Variants in NXPE3 observed in about 807,000 individuals in gnomAD.
NXPE3 encodes NXPE family member 3.
NXPE3 carries 26 observed loss-of-function variants against 46.1 expected under a neutral mutation model. The ratio of observed to expected loss-of-function variants is 0.56; its 90% CI spans 0.41 to 0.78. The LOEUF is 0.78. NXPE3 is among the 30% of genes least tolerant of loss of function. The pLI is 0.00. For synonymous variants in NXPE3, 272 were observed against 257.9 expected (o/e 1.05, Z -0.52); for missense variants, 620 against 686.0 (o/e 0.90, Z 1.07).
chr3:101,807,211 C>T, intron 6 of NXPE3, 85 bp downstream of exon 6: 4 of 923,296 alleles, frequency 4.3e-6, no homozygotes, highest in Non-Finnish European at 7.0e-6. Flanking sequence ...GTTGCAAAAA[C>T]TTATATGCCA....
At chr3:101,814,799 AAAAG>A (rs768971273) in intron 6 of NXPE3, among the ~76,000 whole-genome samples, 7 of 152,212 alleles carry the variant, frequency 4.6e-5, no homozygotes, top group Non-Finnish European at 1.0e-4. Context: ...AAGAAAAAAA[AAAAG>A]AAATGGTTAA....
At chr3:101,809,627 T>A (rs900059782) in intron 6 of NXPE3, among the ~76,000 whole-genome samples, 1 of 152,220 alleles carries the variant, frequency 6.6e-6, no homozygotes, top group African/African-American at 2.4e-5. Context: ...CCCTTCTTCA[T>A]TTTAAGTATT....
chr3:101,801,846 G>A lies in NXPE3; in HGVS notation c.705G>A (p.Leu235=), dbSNP rs1277877087. ...TGTGTCTTCCTGGGAATCTGCCCCTGTGTAACTTTACAGACCTCTACACTG... is the reference window on the plus strand; with the variant it reads ...TGTGTCTTCCTGGGAATCTGCCCCTATGTAACTTTACAGACCTCTACACTG... ...CNVCLPGNLP[L]CNFTDLYTGE... Residue 235 remains leucine (L), a synonymous_variant, in exon 5 of 8, where the codon CTG becomes CTA. Transcript: ENST00000273347. 2.5e-6 allele frequency: 4 copies of A among 1,614,066 alleles called. No homozygotes were observed. The highest frequency in any genetic ancestry group is 1.3e-5 in the African/African-American group (1 of 75,006).
intron 6 of NXPE3, among the ~76,000 whole-genome samples, chr3:101,809,718 T>C (rs1243788062): frequency 6.6e-6 from 1 of 152,226 alleles, no homozygotes; most frequent in Non-Finnish European, 1.5e-5. Context: ...TCAATCATTA[T>C]TTTATTTGCT....
At chr3:101,798,292 T>C (rs928439651) in intron 4 of NXPE3, among the ~76,000 whole-genome samples, 1 of 152,186 alleles carries the variant, frequency 6.6e-6, no homozygotes, top group African/African-American at 2.4e-5. Flanking sequence ...AATTTGAACA[T>C]TGAATTTAAA....
intron 7 of NXPE3, among the ~76,000 whole-genome samples, chr3:101,817,299 CTGGACCATGTCACTTCACAG>C: frequency 6.6e-6 from 1 of 152,326 alleles, no homozygotes; most frequent in African/African-American, 2.4e-5. Context: ...GATGAGACAG[CTGGACCATGTCACTTCACAG>C]GTGTCTTTCC....
intron 6 of NXPE3, among the ~76,000 whole-genome samples, chr3:101,815,725 G>C (rs576765886): frequency 6.8e-4 from 103 of 152,006 alleles, no homozygotes; most frequent in African/African-American, 2.3e-3. Flanking sequence ...TTGGCCAGGC[G>C]TGGTGGCTCA....
chr3:101,812,723 A>G (rs1941771146), intron 6 of NXPE3, among the ~76,000 whole-genome samples: 1 of 142,904 alleles, frequency 7.0e-6, no homozygotes, highest in Non-Finnish European at 1.5e-5. Flanking sequence ...GAGGCAGGAG[A>G]ATGGCGTGAA....
chr3:101,801,861 C>T lies in NXPE3; in HGVS notation c.720C>T (p.Asp240=), dbSNP rs770675524. The T allele has an allele frequency of 5.0e-6, 8 of 1,613,980 alleles. No individual in the cohort carries two copies. In the African/African-American group the frequency reaches 9.3e-5, roughly 19 times the overall value. Reference sequence around the variant, plus strand: ...ATCTGCCCCTGTGTAACTTTACAGACCTCTACACTGGGGAGCCCTGGTTCT... The same window carrying T: ...ATCTGCCCCTGTGTAACTTTACAGATCTCTACACTGGGGAGCCCTGGTTCT... ...PGNLPLCNFT[D]LYTGEPWFCF... The change falls in exon 5 of 8, where the codon GAC becomes GAT. Residue 240 remains aspartate (D), a synonymous_variant. Transcript: ENST00000273347.
chr3:101,811,224 A>G (rs922566952), intron 6 of NXPE3, among the ~76,000 whole-genome samples: 1 of 152,182 alleles, frequency 6.6e-6, no homozygotes, highest in African/African-American at 2.4e-5. Context: ...GCGATGTCCC[A>G]AACTCCTGAC....
At chr3:101,811,836 C>T (rs1380451374) in intron 6 of NXPE3, among the ~76,000 whole-genome samples, 1 of 148,980 alleles carries the variant, frequency 6.7e-6, no homozygotes, top group Non-Finnish European at 1.5e-5. Context: ...TGGGTTCAAG[C>T]AATTCTTCTG....
intron 6 of NXPE3, among the ~76,000 whole-genome samples, chr3:101,808,108 A>G (rs1299194306): frequency 1.3e-5 from 2 of 152,236 alleles, no homozygotes; most frequent in Non-Finnish European, 2.9e-5. Context: ...TGACTGAAAC[A>G]GAAACCCTGG....
intron 6 of NXPE3, among the ~76,000 whole-genome samples, chr3:101,807,721 C>T (rs975846543): frequency 6.6e-6 from 1 of 151,804 alleles, no homozygotes; most frequent in Non-Finnish European, 1.5e-5. Flanking sequence ...ATGATAGCAA[C>T]TAGTCACTTG....
At chr3:101,804,120 T>C (rs920863291) in intron 5 of NXPE3, among the ~76,000 whole-genome samples, 1 of 152,232 alleles carries the variant, frequency 6.6e-6, no homozygotes, top group African/African-American at 2.4e-5. Flanking sequence ...TTTTGAAATA[T>C]ATAGTAAATG....
Position 101,821,413 on chromosome 3 carries a change from A to G in NXPE3, c.1139A>G (p.Glu380Gly), listed in dbSNP as rs1033518588. 2.5e-6 allele frequency: 4 copies of G among 1,611,504 alleles called. No homozygotes were observed. Among genetic ancestry groups the G allele is most frequent in the Non-Finnish European group, 3.4e-6 (4 of 1,177,944 alleles). The stretch of plus-strand genomic sequence containing the variant: ...GTTTTCCTTGTTTCAGATTTAGTGG[A>G]GTTTAACTTGGGTAGTCCCAAGAAT... ...YLTTFVPDLV[E>G]FNLGSPKNVG... The change falls in exon 8 of 8, where the codon GAG becomes GGG. Residue 380 changes from glutamate to glycine, a missense_variant. By Grantham distance (98) the Glu-to-Gly change is moderately conservative. Coordinates refer to ENST00000273347, the MANE Select transcript of NXPE3 (RefSeq NM_145037.4).
intron 4 of NXPE3, among the ~76,000 whole-genome samples, chr3:101,798,246 A>G (rs574842626): frequency 1.1e-4 from 17 of 152,270 alleles, no homozygotes; most frequent in Admixed American, 4.6e-4. Context: ...CCTTGTCTCT[A>G]AAATGGACAT....
Position 101,786,725 on chromosome 3 carries a change from TTGA to T in NXPE3, c.93+1042_93+1044del, listed in dbSNP as rs1940206240. 3.3e-5 allele frequency among the ~76,000 whole-genome samples: 5 copies of T among 152,262 alleles called. No homozygotes were observed. In the South Asian group the frequency reaches 8.3e-4, roughly 25 times the overall value. On this transcript the variant is annotated intron_variant, in intron 4 of 7. Coordinates refer to ENST00000273347, the MANE Select transcript of NXPE3 (RefSeq NM_145037.4). ...GATAGTTCCTTTTACCTGGAAGCTG[TTGA>T]TGATGTGTCTAGATATTTTAGAAAC...
At chr3:101,802,597 A>G (rs1941223239) in intron 5 of NXPE3, among the ~76,000 whole-genome samples, 1 of 152,016 alleles carries the variant, frequency 6.6e-6, no homozygotes, top group Non-Finnish European at 1.5e-5. Flanking sequence ...ACTGATTAAA[A>G]AACTATGAAT....
intron 4 of NXPE3, among the ~76,000 whole-genome samples, chr3:101,787,369 C>G (rs777101948): frequency 2.0e-5 from 3 of 152,162 alleles, no homozygotes; most frequent in Non-Finnish European, 4.4e-5. Context: ...TGCAATGGCA[C>G]GATCTTGTCT....
Sources: gnomAD v4.1 joint callset for allele counts (sites outside exome capture counted in the v4.1 genomes callset) on GRCh38, gnomAD v4.1.1 for gene constraint, MANE v1.5 for transcripts, NCBI Gene and HGNC (gene_info 2026-07-23, HGNC 2026-07-21) for gene names.